Variants in RNF216 observed in about 807,000 individuals in gnomAD.
RNF216 encodes E3 ubiquitin-protein ligase RNF216.
RNF216 carries 72 observed loss-of-function variants against 110.8 expected under a neutral mutation model. That is an observed-to-expected ratio of 0.65 (90% CI 0.54 to 0.79). The LOEUF is 0.79. Ranked by LOEUF, RNF216 falls within the 30% of genes least tolerant of loss-of-function variation. The pLI, the probability that RNF216 is intolerant of heterozygous loss-of-function variation, is 0.00. For synonymous variants in RNF216, 495 were observed against 407.5 expected, an observed-to-expected ratio of 1.21 and a Z score of -2.59; for missense variants, 1,342 against 1,141.2, an observed-to-expected ratio of 1.18 and a Z score of -2.54.
rs559863617 is a variant in RNF216 at position 5,712,020 on chromosome 7, G to A, written c.1983-181C>T. ...TCTTCTTTGTGCTGGCTCTTATCAGGAAACATAAGCACCACATGAGGTCCT... is the reference window on the plus strand; with the variant it reads ...TCTTCTTTGTGCTGGCTCTTATCAGAAAACATAAGCACCACATGAGGTCCT... On this transcript the variant is annotated intron_variant, in intron 12 of 16. Transcript: ENST00000389902. 135 of 591,426 alleles carry A rather than the reference G, an allele frequency of 2.3e-4. 1 individual carries two copies. The Middle Eastern group carries it at 4.5e-3, about 20-fold the overall frequency. 36.6% of individuals were successfully genotyped at this position (591,426 alleles called of 1,614,324 possible). A position where few individuals can be genotyped will look rare whatever the true frequency, so the allele number is the denominator to read the frequency against.
chr7:5,780,003 A>C (rs1796993800), intron 1 of RNF216: 1 of 152,130 alleles, frequency 6.6e-6, no homozygotes, highest in Non-Finnish European at 1.5e-5. Context: ...ACAGCAGCAC[A>C]AACCCATTTT....
chr7:5,755,983 T>A (rs879741937), intron 2 of RNF216, among the ~76,000 whole-genome samples: 79 of 145,990 alleles, frequency 5.4e-4, no homozygotes, highest in Non-Finnish European at 3.0e-4. Context: ...TATAGATTGA[T>A]ATGGTTTGGC....
In RNF216 at chr7:5,748,611, T is replaced by TACACAC. The variant is rs10588945; in HGVS notation, c.201+4229_201+4234dup. Among the ~76,000 whole-genome samples the TACACAC allele has an allele frequency of 1.1e-3, 158 of 143,156 alleles. 1 individual carries two copies. Among genetic ancestry groups the TACACAC allele is most frequent in the East Asian group, 5.7e-3 (27 of 4,752 alleles). The allele number at this position is 143,156 out of a possible 152,430, so 93.9% of individuals were successfully genotyped here. On this transcript the variant is annotated intron_variant, in intron 3 of 16. Transcript: ENST00000389902. ...GAATGCAGTATATTTTTTATATACA[T>TACACAC]ACACACACACACACACACACACACA...
At chr7:5,651,556 A>C (rs1254438281) in intron 14 of RNF216, among the ~76,000 whole-genome samples, 11 of 152,146 alleles carry the variant, frequency 7.2e-5, no homozygotes, top group African/African-American at 2.7e-4. Context: ...GAATAACGTC[A>C]GGAGATAGAT....
chr7:5,652,020 C>T (rs1252585511), intron 14 of RNF216, among the ~76,000 whole-genome samples: 3 of 152,306 alleles, frequency 2.0e-5, no homozygotes, highest in African/African-American at 7.2e-5. Context: ...ATTATTATCA[C>T]AGGCGTATCA....
chr7:5,693,654 G>A (rs1167208122), intron 13 of RNF216, among the ~76,000 whole-genome samples: 1 of 152,192 alleles, frequency 6.6e-6, no homozygotes, highest in African/African-American at 2.4e-5. Flanking sequence ...GAAGGGAACT[G>A]TAGGTCTTTT....
At chr7:5,720,780 G>A (rs760432932) in intron 9 of RNF216, among the ~76,000 whole-genome samples, 18 of 152,156 alleles carry the variant, frequency 1.2e-4, no homozygotes, top group Admixed American at 2.6e-4. Context: ...AAATGGAACC[G>A]AGGCTGAGGG....
chr7:5,709,775 G>C (rs752467043), intron 13 of RNF216, among the ~76,000 whole-genome samples: 1 of 152,184 alleles, frequency 6.6e-6, no homozygotes, highest in African/African-American at 2.4e-5. Context: ...TTCTTTTAAA[G>C]ACAGAGTCTT....
chr7:5,714,296 T>C (rs1389824013), intron 11 of RNF216, among the ~76,000 whole-genome samples: 1 of 151,374 alleles, frequency 6.6e-6, no homozygotes, highest in Admixed American at 6.6e-5. Context: ...TTCACTCTTG[T>C]TGCCCAGGCT....
intron 13 of RNF216, among the ~76,000 whole-genome samples, chr7:5,690,463 C>G (rs1276426750): frequency 1.3e-5 from 2 of 152,040 alleles, no homozygotes; most frequent in African/African-American, 2.4e-5. Context: ...TATTAAAGAC[C>G]TGGAATCTAT....
At chr7:5,715,440 T>A (rs1792986479) in intron 10 of RNF216, among the ~76,000 whole-genome samples, 1 of 152,190 alleles carries the variant, frequency 6.6e-6, no homozygotes, top group Non-Finnish European at 1.5e-5. Flanking sequence ...TTAGAGTAAT[T>A]CTTTATATAA....
At chr7:5,706,853 T>A (rs1266099147) in intron 13 of RNF216, among the ~76,000 whole-genome samples, 2 of 152,258 alleles carry the variant, frequency 1.3e-5, no homozygotes. Flanking sequence ...AAGACTGATG[T>A]CATGAAGCTT....
intron 15 of RNF216, among the ~76,000 whole-genome samples, chr7:5,625,232 C>T (rs1489274968): frequency 6.6e-6 from 1 of 152,186 alleles, no homozygotes; most frequent in Non-Finnish European, 1.5e-5. Context: ...GGCTCTGTTC[C>T]CTGAGGTCCT....
chr7:5,755,802 C>G (rs1337180394), intron 2 of RNF216, among the ~76,000 whole-genome samples: 1 of 152,160 alleles, frequency 6.6e-6, no homozygotes, highest in African/African-American at 2.4e-5. Flanking sequence ...TGGATACATT[C>G]TAGGAGTGGA....
chr7:5,689,984 C>T (rs181441826), intron 13 of RNF216, among the ~76,000 whole-genome samples: 1 of 151,374 alleles, frequency 6.6e-6, no homozygotes, highest in African/African-American at 2.4e-5. Flanking sequence ...GGCAGGTAAC[C>T]CCCCTTATTT....
At chr7:5,687,330 AG>A (rs1430458884) in intron 13 of RNF216, among the ~76,000 whole-genome samples, 1 of 136,930 alleles carries the variant, frequency 7.3e-6, no homozygotes, top group African/African-American at 2.8e-5. Flanking sequence ...TGGGAGGCGG[AG>A]GTTGCAGTGA....
chr7:5,712,756 G>A lies in RNF216; in HGVS notation c.1941C>T (p.Ala647=), dbSNP rs200434435. ...TILYKYYERK[A]EEEVAAAYAD... is the part of the protein sequence containing the mutation. The stretch of plus-strand genomic sequence containing the variant: ...CGTAGGCTGCCGCAACCTCCTCCTC[G>A]GCTTTTCGCTCATAGTACTTATACA... Residue 647 remains alanine, a synonymous_variant, in exon 12 of 17, where the codon GCC becomes GCT. Coordinates refer to ENST00000389902, the MANE Select transcript of RNF216 (RefSeq NM_207111.4). 19 of 1,614,004 alleles carry A rather than the reference G, an allele frequency of 1.2e-5. No homozygotes were observed. The highest frequency in any genetic ancestry group is 3.3e-4 in the Middle Eastern group (2 of 6,062).
chr7:5,646,775 T>C (rs2128572064), intron 14 of RNF216, among the ~76,000 whole-genome samples: 1 of 151,920 alleles, frequency 6.6e-6, no homozygotes, highest in East Asian at 1.9e-4. Context: ...ATTAGCTTAG[T>C]GGTCAATGCC....
At chr7:5,768,254 C>T (rs1254457138) in intron 1 of RNF216, among the ~76,000 whole-genome samples, 4 of 147,886 alleles carry the variant, frequency 2.7e-5, no homozygotes, top group African/African-American at 5.0e-5. Flanking sequence ...AGTTTAAGAC[C>T]AGCCTGGGAA....
Sources: gnomAD v4.1 joint callset for allele counts (sites outside exome capture counted in the v4.1 genomes callset) on GRCh38, gnomAD v4.1.1 for gene constraint, MANE v1.5 for transcripts, NCBI Gene and HGNC (gene_info 2026-07-23, HGNC 2026-07-21) for gene names.